ARHGEF26: variants seen among roughly 807,000 people sequenced by gnomAD.
ARHGEF26 encodes the protein Rho guanine nucleotide exchange factor (GEF) 26.
A neutral mutation model predicts 89.4 loss-of-function variants in ARHGEF26; 59 were observed. The ratio of observed to expected loss-of-function variants is 0.66; its 90% CI spans 0.54 to 0.82. ARHGEF26 has a LOEUF of 0.82. Ranked by LOEUF, ARHGEF26 falls within the 40% of genes least tolerant of loss-of-function variation. ARHGEF26 has a pLI of 0.00. For synonymous variants in ARHGEF26, 500 were observed against 428.4 expected (o/e 1.17, Z -2.06); for missense variants, 1,234 against 1,085.6 (o/e 1.14, Z -1.92).
At chr3:154,182,075 T>TAC (rs1260097744) in intron 6 of ARHGEF26, among the ~76,000 whole-genome samples, 5 of 151,662 alleles carry the variant, frequency 3.3e-5, no homozygotes, top group African/African-American at 1.2e-4. Context: ...AATATATATA[T>TAC]ACACACACAC....
intron 7 of ARHGEF26, among the ~76,000 whole-genome samples, chr3:154,188,975 C>T (rs1461495106): frequency 6.6e-6 from 1 of 152,108 alleles, no homozygotes; most frequent in Non-Finnish European, 1.5e-5. Context: ...TTAAGGGCAT[C>T]CCTGGCTTCC....
At chr3:154,162,431 T>C (rs1711720831) in intron 6 of ARHGEF26, among the ~76,000 whole-genome samples, 1 of 152,194 alleles carries the variant, frequency 6.6e-6, no homozygotes, top group African/African-American at 2.4e-5. Flanking sequence ...ATCAATTTTG[T>C]GTTTCTCCAA....
At chr3:154,224,064 C>T (rs964768561) in intron 10 of ARHGEF26, among the ~76,000 whole-genome samples, 2 of 152,036 alleles carry the variant, frequency 1.3e-5, no homozygotes, top group African/African-American at 4.8e-5. Context: ...TAGGATATAT[C>T]TTTGTTCATG....
chr3:154,220,578 A>G (rs1206268510), intron 10 of ARHGEF26, among the ~76,000 whole-genome samples: 2 of 152,198 alleles, frequency 1.3e-5, no homozygotes, highest in Non-Finnish European at 2.9e-5. Context: ...CAGTGTGGGT[A>G]GACTTGGGGT....
chr3:154,166,345 C>T (rs1712036466), intron 6 of ARHGEF26, among the ~76,000 whole-genome samples: 1 of 152,152 alleles, frequency 6.6e-6, no homozygotes, highest in African/African-American at 2.4e-5. Context: ...CCACTGTGCC[C>T]AGCCAGTATT....
chr3:154,184,089 C>T (rs546784166), intron 6 of ARHGEF26, among the ~76,000 whole-genome samples: 1 of 151,806 alleles, frequency 6.6e-6, no homozygotes, highest in South Asian at 2.1e-4. Flanking sequence ...TCTCCTGCCG[C>T]AGCCTCCCGA....
chr3:154,153,846 T>A (rs1003478116), intron 6 of ARHGEF26, among the ~76,000 whole-genome samples: 1 of 151,566 alleles, frequency 6.6e-6, no homozygotes, highest in Non-Finnish European at 1.5e-5. Flanking sequence ...TGCTCCTTAC[T>A]TTTTTTTACC....
intron 6 of ARHGEF26, among the ~76,000 whole-genome samples, chr3:154,170,942 G>T (rs1240729984): frequency 6.6e-6 from 1 of 152,168 alleles, no homozygotes; most frequent in Non-Finnish European, 1.5e-5. Flanking sequence ...CTGTTGGGAC[G>T]ATTGATTTCT....
chr3:154,146,989 C>T (rs369939664), intron 4 of ARHGEF26, among the ~76,000 whole-genome samples: 33 of 152,280 alleles, frequency 2.2e-4, no homozygotes, highest in East Asian at 7.7e-4. Flanking sequence ...GAAATTTAAA[C>T]CAGTGAGGAA....
chr3:154,161,558 G>C (rs1559870264), intron 6 of ARHGEF26, among the ~76,000 whole-genome samples: 1 of 152,118 alleles, frequency 6.6e-6, no homozygotes, highest in South Asian at 2.1e-4. Flanking sequence ...TCTGGATTTT[G>C]TATTTGTTGA....
At chr3:154,170,604 A>G (rs989439710) in intron 6 of ARHGEF26, among the ~76,000 whole-genome samples, 1 of 152,162 alleles carries the variant, frequency 6.6e-6, no homozygotes, top group Non-Finnish European at 1.5e-5. Context: ...CAAAATACCT[A>G]ACATCTTTGT....
chr3:154,255,938 T>G lies in ARHGEF26; in HGVS notation c.*465T>G. The G allele has an allele frequency of 1.0e-6, 1 of 986,840 alleles. No individual in the cohort carries two copies. The highest frequency in any genetic ancestry group is 1.2e-6 in the Non-Finnish European group (1 of 830,718). 61.1% of individuals were successfully genotyped at this position (986,840 alleles called of 1,614,324 possible). ...ATATTTCCCTGCCTTTTTTTTTCTTTTTTTACATCTGATTTTAATGCTTCG... is the reference window on the plus strand; with the variant it reads ...ATATTTCCCTGCCTTTTTTTTTCTTGTTTTACATCTGATTTTAATGCTTCG... On this transcript the variant is annotated 3_prime_UTR_variant, in exon 15 of 15. Transcript: ENST00000465093.
At chr3:154,187,556 TA>T in intron 6 of ARHGEF26, 128 bp from the exon 7 acceptor site, 2 of 661,216 alleles carry the variant, frequency 3.0e-6, no homozygotes, top group Middle Eastern at 4.6e-4. Context: ...ATTTTAAAAA[TA>T]TTTTTTAGTT....
chr3:154,154,098 G>A (rs1242284521), intron 6 of ARHGEF26, among the ~76,000 whole-genome samples: 1 of 152,094 alleles, frequency 6.6e-6, no homozygotes, highest in Non-Finnish European at 1.5e-5. Flanking sequence ...TCTATAAAGG[G>A]AAAGGTACAT....
intron 9 of ARHGEF26, among the ~76,000 whole-genome samples, chr3:154,213,568 C>A (rs888515680): frequency 2.0e-5 from 3 of 152,100 alleles, no homozygotes; most frequent in African/African-American, 7.2e-5. Flanking sequence ...TGCTGATGGG[C>A]TCAGAATTTG....
chr3:154,235,059 C>A lies in ARHGEF26; in HGVS notation c.2091-5311C>A, dbSNP rs190166808. 4.7e-3 allele frequency among the ~76,000 whole-genome samples: 704 copies of A among 150,006 alleles called. 5 individuals are homozygous for A. The highest frequency in any genetic ancestry group is 0.016 in the African/African-American group (674 of 41,004). On this transcript the variant is annotated intron_variant, in intron 11 of 14. Transcript: ENST00000465093. ...TAATACATCATAAGGCTAGTTTATT[C>A]TTTTTTTTTTCCACAATCTTTCTGG...
In ARHGEF26 at chr3:154,255,901, C is replaced by T. The variant is rs1041344293; in HGVS notation, c.*428C>T. On this transcript the variant is annotated 3_prime_UTR_variant, in exon 15 of 15. Transcript: ENST00000465093. ...AAGATTGTATATCTGTAAAGAATGT[C>T]CAGTTTTGTAAATATTTCCCTGCCT... The T allele has an allele frequency of 1.0e-6, 1 of 989,728 alleles. No homozygotes were observed. Among genetic ancestry groups the T allele is most frequent in the African/African-American group, 1.7e-5 (1 of 57,376 alleles). 61.3% of individuals were successfully genotyped at this position (989,728 alleles called of 1,614,324 possible).
At position 154,121,973 on chromosome 3, in the gene ARHGEF26, G is replaced by C. The variant is rs1397716547; in HGVS notation, c.-20G>C. On this transcript the variant is annotated 5_prime_UTR_variant, in exon 2 of 15. Coordinates refer to ENST00000465093, the MANE Select transcript of ARHGEF26 (RefSeq NM_015595.4). Reference sequence around the variant, plus strand: ...CTAACTCGGTGTTGCTCCTCCCGGCGCTGACTTCGAGGCCCGGCTATGGAC... The same window carrying C: ...CTAACTCGGTGTTGCTCCTCCCGGCCCTGACTTCGAGGCCCGGCTATGGAC... 1.9e-6 allele frequency: 3 copies of C among 1,572,496 alleles called. No individual in the cohort carries two copies. Among genetic ancestry groups the C allele is most frequent in the Non-Finnish European group, 2.6e-6 (3 of 1,153,786 alleles).
intron 9 of ARHGEF26, among the ~76,000 whole-genome samples, chr3:154,211,512 C>T (rs530805936): frequency 1.7e-4 from 11 of 64,716 alleles, no homozygotes; most frequent in Middle Eastern, 8.6e-3. Flanking sequence ...CTGTAGGAGA[C>T]GGGGGTGGGT....
Sources: gnomAD v4.1 joint callset for allele counts (sites outside exome capture counted in the v4.1 genomes callset) on GRCh38, gnomAD v4.1.1 for gene constraint, MANE v1.5 for transcripts, NCBI Gene and HGNC (gene_info 2026-07-23, HGNC 2026-07-21) for gene names.